TH: variants seen among roughly 807,000 people sequenced by gnomAD.
TH encodes the protein tyrosine 3-monooxygenase.
In TH, 49 loss-of-function variants were observed where a neutral mutation model predicts 57.4. The observed-to-expected ratio is 0.85, with a 90% CI of 0.68 to 1.08. The LOEUF (loss-of-function observed/expected upper bound fraction) is 1.08, where lower values mean the gene tolerates loss of function less well. TH is among the 50% of genes least tolerant of loss of function. The pLI, the probability that TH is intolerant of heterozygous loss-of-function variation, is 0.00. For missense variants in TH, 720 were observed against 696.7 expected (o/e 1.03, Z -0.38); for synonymous variants, 330 against 304.5 (o/e 1.08, Z -0.87).
intron 1 of TH, 77 bp from the exon 2 acceptor site, chr11:2,169,948 T>G: frequency 7.0e-7 from 1 of 1,433,566 alleles, no homozygotes; most frequent in Non-Finnish European, 9.6e-7. Flanking sequence ...GGTCCCACAG[T>G]CGGGCAGCGC....
At chr11:2,167,545 G>A (rs1846133905) in intron 5 of TH, 60 bp from the exon 6 acceptor site, 2 of 1,531,122 alleles carry the variant, frequency 1.3e-6, no homozygotes, top group South Asian at 1.2e-5. Flanking sequence ...CAGGAGGGAG[G>A]GAGGGAGCTT....
chr11:2,171,085 G>GTGAATGAATGAA lies in TH; in HGVS notation c.90+600_90+611dup, dbSNP rs59181491. ...GGTCACAGGGAACACAGACTCCATG[G>GTGAATGAATGAA]TGAATGAATGAATGAATGAATGAAT... On this transcript the variant is annotated intron_variant, in intron 1 of 12. Transcript: ENST00000352909. This position sits in a 1 kb window ranked among gnomAD's most constrained non-coding sequence, Gnocchi z 8.6. Among the ~76,000 whole-genome samples the GTGAATGAATGAA allele has an allele frequency of 0.011, 1,532 of 140,880 alleles. 12 individuals are homozygous for GTGAATGAATGAA. Among genetic ancestry groups the GTGAATGAATGAA allele is most frequent in the East Asian group, 0.038 (185 of 4,864 alleles). The allele number at this position is 140,880 out of a possible 152,430, so 92.4% of individuals were successfully genotyped here.
rs1171776139 is a variant in TH at position 2,168,135 on chromosome 11, G to A, written c.532C>T (p.His178Tyr). ...RKVSELDKCH[H>Y]LVTKFDPDLD... ...TCAGGGTCGAACTTGGTGACCAGGTGATGACACTTGTCCAGCTCTGACACT... is the reference window on the plus strand; with the variant it reads ...TCAGGGTCGAACTTGGTGACCAGGTAATGACACTTGTCCAGCTCTGACACT... The change falls in exon 4 of 13, where the codon CAC (histidine) becomes TAC (tyrosine). Residue 178 changes from histidine (H) to tyrosine (Y), a missense_variant. By Grantham distance (83) the His-to-Tyr change is moderately conservative. Transcript: ENST00000352909. 6.8e-6 allele frequency: 11 copies of A among 1,613,510 alleles called. No individual in the cohort carries two copies. Among genetic ancestry groups the A allele is most frequent in the Non-Finnish European group, 8.5e-6 (10 of 1,180,036 alleles).
At position 2,166,710 on chromosome 11, in the gene TH, C is replaced by T. The variant is rs971671588; in HGVS notation, c.900G>A (p.Leu300=). The T allele has an allele frequency of 3.2e-6, 5 of 1,552,924 alleles. No individual in the cohort carries two copies. The African/African-American group carries it at 4.1e-5, about 13-fold the overall frequency. The change falls in exon 8 of 13, where the codon CTG becomes CTA. Residue 300 remains leucine, a synonymous_variant. Coordinates refer to ENST00000352909, the MANE Select transcript of TH (RefSeq NM_000360.4). ...GGAACACGCGGAAGGCCAGGCTGGC[C>T]AGGAAGTCCCGGGCGGACAGCAGGC... is the stretch of plus-strand genomic sequence containing the variant. ...VAGLLSARDF[L]ASLAFRVFQC...
At position 2,166,637 on chromosome 11, in the gene TH, C is replaced by T. The variant is rs1184667475; in HGVS notation, c.973G>A (p.Glu325Lys). 6.3e-7 allele frequency: 1 copy of T among 1,579,756 alleles called. No homozygotes were observed. Residue 325 changes from glutamate to lysine, a missense_variant, in exon 8 of 13, where the codon GAG becomes AAG. Glu to Lys is a moderately conservative substitution (Grantham distance 56). Coordinates refer to ENST00000352909, the MANE Select transcript of TH (RefSeq NM_000360.4). ...GCGGCCAGGGCGCGCACTCACGGCT[C>T]AGGGGAGTGCATGGGCGAGGACGCG... ...RHASSPMHSP[E>K]PDCCHELLGH... is the part of the protein sequence containing the mutation.
intron 9 of TH, 193 bp downstream of exon 9, chr11:2,166,287 G>C (rs1846087994): frequency 1.1e-6 from 1 of 917,510 alleles, no homozygotes. Context: ...GTAGCCGGCA[G>C]GTGGCAGCAC....
Position 2,170,005 on chromosome 11 carries a change from A to G in TH, c.91-134T>C, listed in dbSNP as rs1373261051. On this transcript the variant is annotated intron_variant, in intron 1 of 12. Transcript: ENST00000352909. This position sits in a 1 kb window ranked among gnomAD's most constrained non-coding sequence, Gnocchi z 6.0. ...GATGAGAGCACGTTTTTGAGCGCCT[A>G]CTGTGTGCCTGCTGGGGCAGATGCT... The G allele has an allele frequency of 3.3e-6, 3 of 922,056 alleles. No homozygotes were observed. The highest frequency in any genetic ancestry group is 3.3e-5 in the African/African-American group (2 of 61,332). 57.1% of individuals were successfully genotyped at this position (922,056 alleles called of 1,614,324 possible). A position where few individuals can be genotyped will look rare whatever the true frequency, so the allele number is the denominator to read the frequency against.
Position 2,171,721 on chromosome 11 carries a change from G to T in TH, c.66C>A (p.Asp22Glu). ...KGFRRAVSEL[D>E]AKQAEAIMSP... ...CCATGATGGCCTCTGCCTGCTTGGC[G>T]TCCAGCTCAGACACGGCCCTGCGGA... The change falls in exon 1 of 13, where the codon GAC (aspartate) becomes GAA (glutamate). Residue 22 changes from aspartate (D) to glutamate (E), a missense_variant. Asp to Glu is a conservative substitution (Grantham distance 45). Transcript: ENST00000352909. The surrounding 1 kb of genome is among the most constrained non-coding windows in gnomAD (Gnocchi z 8.6). 2 of 1,612,746 alleles carry T rather than the reference G, an allele frequency of 1.2e-6. No homozygotes were observed. Among genetic ancestry groups the T allele is most frequent in the Non-Finnish European group, 1.7e-6 (2 of 1,179,870 alleles).
Position 2,168,682 on chromosome 11 carries a change from A to G in TH, c.313-17T>C. 1.5e-6 allele frequency: 2 copies of G among 1,355,972 alleles called. No homozygotes were observed. Among genetic ancestry groups the G allele is most frequent in the Non-Finnish European group, 2.0e-6 (2 of 1,022,022 alleles). The allele number at this position is 1,355,972 out of a possible 1,614,324, so 84.0% of individuals were successfully genotyped here. ...TTCAAACGTCTTAGGGAGCAAAAGC[A>G]GGAAGAGAGAGAGAAGGAGAAAGAG... is the stretch of plus-strand genomic sequence containing the variant. On this transcript the variant is annotated splice_polypyrimidine_tract_variant and intron_variant, in intron 2 of 12. Coordinates refer to ENST00000352909, the MANE Select transcript of TH (RefSeq NM_000360.4).
At position 2,170,632 on chromosome 11, in the gene TH, G is replaced by T; in HGVS notation, c.91-761C>A. The T allele has an allele frequency of 7.1e-7, 1 of 1,405,872 alleles. No individual in the cohort carries two copies. The highest frequency in any genetic ancestry group is 9.9e-7 in the Non-Finnish European group (1 of 1,008,548). The allele number at this position is 1,405,872 out of a possible 1,614,324, so 87.1% of individuals were successfully genotyped here. A position where few individuals can be genotyped will look rare whatever the true frequency, so the allele number is the denominator to read the frequency against. The stretch of plus-strand genomic sequence containing the variant: ...AATCAGCTTCATCCTGAGCTTCCAG[G>T]GTTGTGGAACATGAAGGGGAGCAGC... On this transcript the variant is annotated intron_variant, in intron 1 of 12. Transcript: ENST00000352909. The surrounding 1 kb of genome is among the most constrained non-coding windows in gnomAD (Gnocchi z 6.0).
rs1347349806 is a variant in TH, at chr11:2,171,575, C to CAGG, written c.90+119_90+121dup. ...AGGCCTCCACATCCACGCCGCGTCC[C>CAGG]AGGGGTTTGCATGGACCCTGAGCCT... On this transcript the variant is annotated intron_variant, in intron 1 of 12. Transcript: ENST00000352909. This position sits in a 1 kb window ranked among gnomAD's most constrained non-coding sequence, Gnocchi z 8.6. 2.8e-6 allele frequency: 3 copies of CAGG among 1,081,418 alleles called. No individual in the cohort carries two copies. Among genetic ancestry groups the CAGG allele is most frequent in the Non-Finnish European group, 4.1e-6 (3 of 729,792 alleles). The allele number at this position is 1,081,418 out of a possible 1,614,324, so 67.0% of individuals were successfully genotyped here.
chr11:2,165,615 C>T lies in TH; in HGVS notation c.1200+53G>A, dbSNP rs11825601. On this transcript the variant is annotated intron_variant, in intron 11 of 12. Coordinates refer to ENST00000352909, the MANE Select transcript of TH (RefSeq NM_000360.4). ...CTGGGAGCCTGTCCCCTCCCTGCAC[C>T]GTCCCCCAGCCCTGCCCCTCTGCTG... The T allele has an allele frequency of 0.015, 23,591 of 1,583,758 alleles. 1,962 individuals are homozygous for T. In the African/African-American group the frequency reaches 0.22, roughly 15 times the overall value.
chr11:2,166,568 A>C lies in TH; in HGVS notation c.978-19T>G. Reference sequence around the variant, plus strand: ...GCAGTCCCTGCGCGTAGGAGGGAGAAGGGGGCTGAGGGGCCGCCCGTCGCA... The same window carrying C: ...GCAGTCCCTGCGCGTAGGAGGGAGACGGGGGCTGAGGGGCCGCCCGTCGCA... On this transcript the variant is annotated intron_variant, in intron 8 of 12. Transcript: ENST00000352909. The C allele has an allele frequency of 6.3e-7, 1 of 1,594,380 alleles. No homozygotes were observed. Among genetic ancestry groups the C allele is most frequent in the Non-Finnish European group, 8.5e-7 (1 of 1,172,632 alleles).
Position 2,166,061 on chromosome 11 carries a change from G to A in TH, c.1048-3C>T. ...CCCAGGGACGCCAGGCCAATGTCCT[G>A]TGGAGCAGGGAGGATGAAGGATGGG... On this transcript the variant is annotated splice_polypyrimidine_tract_variant and splice_region_variant and intron_variant, in intron 9 of 12. Coordinates refer to ENST00000352909, the MANE Select transcript of TH (RefSeq NM_000360.4). 6.4e-7 allele frequency: 1 copy of A among 1,554,272 alleles called. No homozygotes were observed. The highest frequency in any genetic ancestry group is 8.7e-7 in the Non-Finnish European group (1 of 1,148,580).
chr11:2,167,367 C>T, intron 6 of TH, 68 bp downstream of exon 6: 1 of 1,527,016 alleles, frequency 6.5e-7, no homozygotes. Flanking sequence ...AGGCGGCCCT[C>T]ACACGCCAGG....
Position 2,168,595 on chromosome 11 carries a change from A to T in TH, c.383T>A (p.Leu128Gln), listed in dbSNP as rs755913123. Reference protein sequence around the residue: ...AQRPRAGGPHLEYFVRLEVRR... With the variant: ...AQRPRAGGPHQEYFVRLEVRR... ...CACCTCGAGGCGCACGAAGTACTCC[A>T]GGTGGGGGCCCCCAGCTCGCGGCCT... Residue 128 changes from leucine to glutamine, a missense_variant, in exon 3 of 13, where the codon CTG becomes CAG. By Grantham distance (113) the Leu-to-Gln change is moderately radical. Coordinates refer to ENST00000352909, the MANE Select transcript of TH (RefSeq NM_000360.4). The T allele has an allele frequency of 6.2e-7, 1 of 1,611,848 alleles. No homozygotes were observed. Among genetic ancestry groups the T allele is most frequent in the Middle Eastern group, 1.7e-4 (1 of 5,956 alleles).
At chr11:2,165,854 G>A in intron 10 of TH, 91 bp from the exon 11 acceptor site, 2 of 1,528,414 alleles carry the variant, frequency 1.3e-6, no homozygotes, top group Admixed American at 1.9e-5. Context: ...CACCCCCAGG[G>A]AGGCCAGGCC....
chr11:2,168,536 C>T lies in TH; in HGVS notation c.442G>A (p.Val148Met). The T allele has an allele frequency of 3.1e-6, 5 of 1,612,226 alleles. No homozygotes were observed. Among genetic ancestry groups the T allele is most frequent in the Non-Finnish European group, 4.2e-6 (5 of 1,179,798 alleles). ...RGDLAALLSG[V>M]RQVSEDVRSP... ...CGCACGTCCTCTGACACCTGGCGCA[C>T]ACCACTGAGCAGGGCGGCCAGGTCC... Residue 148 changes from valine to methionine, a missense_variant, in exon 3 of 13, where the codon GTG becomes ATG. Val to Met is a conservative substitution (Grantham distance 21). Transcript: ENST00000352909.
rs1846080018 is a variant in TH, at chr11:2,166,020, T to G, written c.1086A>C (p.Glu362Asp). The G allele has an allele frequency of 1.3e-6, 2 of 1,561,844 alleles. No individual in the cohort carries two copies. Among genetic ancestry groups the G allele is most frequent in the Non-Finnish European group, 1.7e-6 (2 of 1,153,100 alleles). Residue 362 changes from glutamate to aspartate, a missense_variant, in exon 10 of 13, where the codon GAA (glutamate) becomes GAC (aspartate). Transcript: ENST00000352909. ...GLASLGASDE[E>D]IEKLSTLYWF... is the part of the protein sequence containing the mutation. ...AACCCACCGTGGACAGCTTCTCAAT[T>G]TCCTCATCCGAGGCCCCCAGGGACG...
Sources: gnomAD v4.1 joint callset for allele counts (sites outside exome capture counted in the v4.1 genomes callset) on GRCh38, gnomAD v4.1.1 for gene constraint, Gnocchi (gnomAD v3.1) non-coding constraint, MANE v1.5 for transcripts, NCBI Gene and HGNC (gene_info 2026-07-23, HGNC 2026-07-21) for gene names.